TNFAIP8L3: variants seen among roughly 807,000 people sequenced by gnomAD.
TNFAIP8L3 encodes the protein tumor necrosis factor alpha-induced protein 8-like protein 3.
Under a neutral mutation model 11.8 loss-of-function variants are expected in TNFAIP8L3, and 7 were observed. The ratio of observed to expected loss-of-function variants is 0.59; its 90% CI spans 0.34 to 1.11. The LOEUF is 1.11. Among genes scored for constraint, TNFAIP8L3 ranks in the 50% most tolerant of loss-of-function variants. TNFAIP8L3 has a pLI of 0.03. For synonymous variants in TNFAIP8L3, 98 were observed against 103.8 expected, an observed-to-expected ratio of 0.94 and a Z score of 0.34; for missense variants, 219 against 258.6, an observed-to-expected ratio of 0.85 and a Z score of 1.05.
In TNFAIP8L3 at chr15:51,094,035, T is replaced by C. The variant is rs74013135; in HGVS notation, c.52+509A>G. Among the ~76,000 whole-genome samples, 2,648 of 152,140 alleles carry C rather than the reference T, an allele frequency of 0.017. 95 individuals carry two copies. The highest frequency in any genetic ancestry group is 0.061 in the African/African-American group (2,518 of 41,494). ...GATGGACCCTGTGCATGGGCTCTCC[T>C]AGCAGCCTCGGGAACCGCGGCCGCA... On this transcript the variant is annotated intron_variant, in intron 1 of 1. Transcript: ENST00000637513. The surrounding 1 kb of genome is among the most constrained non-coding windows in gnomAD (Gnocchi z 4.4).
At chr15:51,095,386 A>G (rs981160582), upstream of TNFAIP8L3, among the ~76,000 whole-genome samples, 3 of 152,102 alleles carry the variant, frequency 2.0e-5, no homozygotes, top group African/African-American at 7.2e-5. Flanking sequence ...AAGTAAACAC[A>G]CAGGCAGGTA....
At chr15:51,102,439 T>C (rs1432951078) in intron 1 of TNFAIP8L3, among the ~76,000 whole-genome samples, 2 of 152,184 alleles carry the variant, frequency 1.3e-5, no homozygotes, top group Non-Finnish European at 2.9e-5. Flanking sequence ...GCTCGCCAAG[T>C]GTTGAGTGGA....
chr15:51,094,854 C>T lies in TNFAIP8L3; in HGVS notation c.-259G>A. On this transcript the variant is annotated 5_prime_UTR_variant, in exon 1 of 2. Coordinates refer to ENST00000637513, the MANE Select transcript of TNFAIP8L3 (RefSeq NM_001311175.2). The surrounding 1 kb of genome is among the most constrained non-coding windows in gnomAD (Gnocchi z 4.4). ...GCGGAGGGTGGGGCGCTCCGGGAGA[C>T]AGCCGGGAGGAGGGAGGGGAGGCGC... 2.9e-6 allele frequency: 1 copy of T among 345,600 alleles called. No individual in the cohort carries two copies. The highest frequency in any genetic ancestry group is 4.1e-6 in the Non-Finnish European group (1 of 246,364). 21.4% of individuals were successfully genotyped at this position (345,600 alleles called of 1,614,324 possible). A position where few individuals can be genotyped will look rare whatever the true frequency, so the allele number is the denominator to read the frequency against.
At chr15:51,067,316 A>G (rs1002447966) in intron 1 of TNFAIP8L3, among the ~76,000 whole-genome samples, 1 of 152,108 alleles carries the variant, frequency 6.6e-6, no homozygotes, top group Non-Finnish European at 1.5e-5. Flanking sequence ...CCTGCCTTGA[A>G]GACAGATACC....
At chr15:51,096,823 G>A (rs532181490), upstream of TNFAIP8L3, among the ~76,000 whole-genome samples, 62 of 150,384 alleles carry the variant, frequency 4.1e-4, no homozygotes, top group African/African-American at 1.0e-3. Context: ...CCCAGGAGGC[G>A]GAAGTTGCAG....
At chr15:51,078,268 G>A (rs959987866) in intron 1 of TNFAIP8L3, among the ~76,000 whole-genome samples, 4 of 149,906 alleles carry the variant, frequency 2.7e-5, no homozygotes, top group African/African-American at 7.4e-5. Context: ...AAACATGGGA[G>A]GGCATTTTCG....
At chr15:51,077,002 C>T (rs1481888777) in intron 1 of TNFAIP8L3, among the ~76,000 whole-genome samples, 1 of 152,162 alleles carries the variant, frequency 6.6e-6, no homozygotes, top group Non-Finnish European at 1.5e-5. Context: ...GCCCCCCATT[C>T]TACTCCCGCC....
rs1348848225 is a variant in TNFAIP8L3 at position 51,057,297 on chromosome 15, T to G, written c.*584A>C. ...TTTCACTTTGTCTGAAGCAGTGCAT[T>G]TAGAGAGAGATTGCAAACCCAGTCC... On this transcript the variant is annotated 3_prime_UTR_variant, in exon 2 of 2. Transcript: ENST00000637513. The G allele has an allele frequency of 2.0e-5, 3 of 152,274 alleles. No homozygotes were observed. The highest frequency in any genetic ancestry group is 7.2e-5 in the African/African-American group (3 of 41,456). The allele number at this position is 152,274 out of a possible 1,614,324, so 9.4% of individuals were successfully genotyped here. A position where few individuals can be genotyped will look rare whatever the true frequency, so the allele number is the denominator to read the frequency against.
intron 1 of TNFAIP8L3, among the ~76,000 whole-genome samples, chr15:51,073,542 T>C (rs1022801946): frequency 6.6e-6 from 1 of 152,240 alleles, no homozygotes. Flanking sequence ...CCTGTATACT[T>C]ATCTCCAATT....
At chr15:51,067,627 G>A (rs1162373406) in intron 1 of TNFAIP8L3, among the ~76,000 whole-genome samples, 2 of 152,222 alleles carry the variant, frequency 1.3e-5, no homozygotes, top group African/African-American at 4.8e-5. Flanking sequence ...GGTGGGGAGA[G>A]GTGCTTAGTC....
intron 1 of TNFAIP8L3, among the ~76,000 whole-genome samples, chr15:51,102,494 A>G (rs1310547335): frequency 6.6e-6 from 1 of 152,206 alleles, no homozygotes; most frequent in African/African-American, 2.4e-5. Context: ...TAGAAAAGCT[A>G]AATACATGTT....
At chr15:51,073,814 C>T (rs1029215781) in intron 1 of TNFAIP8L3, among the ~76,000 whole-genome samples, 2 of 152,120 alleles carry the variant, frequency 1.3e-5, no homozygotes, top group Non-Finnish European at 1.5e-5. Context: ...TTGATGGATA[C>T]CCCTTATCAA....
At chr15:51,095,793 CT>C (rs1173978017), upstream of TNFAIP8L3, among the ~76,000 whole-genome samples, 5 of 152,248 alleles carry the variant, frequency 3.3e-5, no homozygotes, top group East Asian at 5.8e-4. Flanking sequence ...TTATAGGCTC[CT>C]ACACTCACAA....
In TNFAIP8L3 at chr15:51,094,761, A is replaced by G. The variant is rs2065499441; in HGVS notation, c.-166T>C. The G allele has an allele frequency of 1.6e-5, 13 of 801,776 alleles. No individual in the cohort carries two copies. In the South Asian group the frequency reaches 8.2e-4, roughly 50 times the overall value. 49.7% of individuals were successfully genotyped at this position (801,776 alleles called of 1,614,324 possible). ...CAGCGGCCAGGGGGCGGCTCCGCAGAGGCGAGCGCCGCCGCGCCCCGCTCC... is the reference window on the plus strand; with the variant it reads ...CAGCGGCCAGGGGGCGGCTCCGCAGGGGCGAGCGCCGCCGCGCCCCGCTCC... On this transcript the variant is annotated 5_prime_UTR_variant, in exon 1 of 2. Coordinates refer to ENST00000637513, the MANE Select transcript of TNFAIP8L3 (RefSeq NM_001311175.2). The surrounding 1 kb of genome is among the most constrained non-coding windows in gnomAD (Gnocchi z 4.4).
chr15:51,098,047 T>A (rs896533015), upstream of TNFAIP8L3, among the ~76,000 whole-genome samples: 3 of 152,360 alleles, frequency 2.0e-5, no homozygotes, highest in Middle Eastern at 3.4e-3. Context: ...CTACCACTCA[T>A]TGGTCATTTC....
At chr15:51,077,042 T>C (rs1314938226) in intron 1 of TNFAIP8L3, among the ~76,000 whole-genome samples, 1 of 152,168 alleles carries the variant, frequency 6.6e-6, no homozygotes, top group Non-Finnish European at 1.5e-5. Flanking sequence ...CTCCTGCTTC[T>C]TTCTCACTGT....
chr15:51,096,003 G>GA (rs1371761427), upstream of TNFAIP8L3, among the ~76,000 whole-genome samples: 1 of 152,220 alleles, frequency 6.6e-6, no homozygotes, highest in East Asian at 1.9e-4. Flanking sequence ...TTTGGAAGTA[G>GA]AATATGGTTG....
At chr15:51,085,159 T>C (rs2065418576) in intron 1 of TNFAIP8L3, among the ~76,000 whole-genome samples, 2 of 151,602 alleles carry the variant, frequency 1.3e-5, no homozygotes, top group Admixed American at 6.6e-5. Context: ...AGACCAAACA[T>C]GGATGAACAA....
chr15:51,066,252 T>C (rs1356906588), intron 1 of TNFAIP8L3, among the ~76,000 whole-genome samples: 1 of 150,430 alleles, frequency 6.6e-6, no homozygotes, highest in East Asian at 2.0e-4. Flanking sequence ...AACCTCTGCC[T>C]CCTGGATTCA....
Sources: allele counts gnomAD v4.1 joint callset (sites outside exome capture counted in the v4.1 genomes callset), GRCh38; gene constraint gnomAD v4.1.1; non-coding constraint Gnocchi (gnomAD v3.1); transcripts MANE v1.5; gene names NCBI Gene and HGNC (gene_info 2026-07-23, HGNC 2026-07-21).